The following LAMA4 variants were observed in gnomAD, a reference collection of about 807,000 sequenced individuals.
The protein encoded by LAMA4 is laminin subunit alpha-4.
In LAMA4, 127 loss-of-function variants were observed where a neutral mutation model predicts 207.1. That is an observed-to-expected ratio of 0.61 (90% CI 0.53 to 0.71). The LOEUF (loss-of-function observed/expected upper bound fraction) is 0.71. LAMA4 is among the 30% of genes least tolerant of loss of function. LAMA4 has a pLI of 0.00. For missense variants in LAMA4, 2,093 were observed against 2,246.5 expected (o/e 0.93, Z 1.38); for synonymous variants, 761 against 816.0 (o/e 0.93, Z 1.15).
At chr6:112,206,781 C>T (rs1784081524) in intron 4 of LAMA4, among the ~76,000 whole-genome samples, 1 of 152,122 alleles carries the variant, frequency 6.6e-6, no homozygotes, top group Non-Finnish European at 1.5e-5. Context: ...CTTTATTGAC[C>T]TCATGATGCA....
At chr6:112,190,947 C>CCTTTCTTT (rs199702092) in intron 6 of LAMA4, among the ~76,000 whole-genome samples, 659 of 40,376 alleles carry the variant, frequency 0.016, 31 homozygotes, top group Middle Eastern at 0.028. Context: ...TTCTTTCTTT[C>CCTTTCTTT]CTTTCTTTCT....
intron 5 of LAMA4, among the ~76,000 whole-genome samples, chr6:112,193,530 G>T (rs1554349689): frequency 6.6e-6 from 1 of 152,044 alleles, no homozygotes; most frequent in Non-Finnish European, 1.5e-5. Flanking sequence ...TCAACATTTT[G>T]TGTATGTTCC....
chr6:112,137,952 C>T (rs1424100151), intron 24 of LAMA4, among the ~76,000 whole-genome samples: 1 of 152,020 alleles, frequency 6.6e-6, no homozygotes, highest in Non-Finnish European at 1.5e-5. Context: ...GAGAAAGTAA[C>T]TTTTTCTCCT....
Position 112,216,485 on chromosome 6 carries a change from C to T in LAMA4, c.196-16G>A. 3 of 1,537,020 alleles carry T rather than the reference C, an allele frequency of 2.0e-6. No individual in the cohort carries two copies. The highest frequency in any genetic ancestry group is 2.7e-6 in the Non-Finnish European group (3 of 1,109,696). ...CATTGCATTTCTGCAACAGACACAC[C>T]AAACCATTTTGATTATTGAAAAGAT... On this transcript the variant is annotated splice_polypyrimidine_tract_variant and intron_variant, in intron 2 of 38. Transcript: ENST00000230538.
At chr6:112,216,336 G>T in intron 3 of LAMA4, 32 bp downstream of exon 3, 1 of 1,346,808 alleles carries the variant, frequency 7.4e-7, no homozygotes, top group South Asian at 1.2e-5. Context: ...GCCCAGTGAA[G>T]TACGTGAAGT....
chr6:112,132,753 C>T lies in LAMA4; in HGVS notation c.3834G>A (p.Gly1278=), dbSNP rs141988342. Residue 1278 remains glycine (G), a splice_region_variant and synonymous_variant, in exon 28 of 39, where the codon GGG becomes GGA. Coordinates refer to ENST00000230538, the MANE Select transcript of LAMA4 (RefSeq NM_001105206.3). ...PNGLLFYYAS[G]SDVFSISLDN... The stretch of plus-strand genomic sequence containing the variant: ...TCCTCAGAGAAAAACAAACACTTAC[C>T]CCTGAAGCATAATAGAATAGTAACC... 2.6e-4 allele frequency: 427 copies of T among 1,612,322 alleles called. 1 individual carries two copies. Among genetic ancestry groups the T allele is most frequent in the Non-Finnish European group, 3.5e-4 (418 of 1,178,998 alleles).
chr6:112,109,397 T>C lies in LAMA4; in HGVS notation c.*40A>G. The C allele has an allele frequency of 1.2e-6, 2 of 1,611,950 alleles. No individual in the cohort carries two copies. The highest frequency in any genetic ancestry group is 1.1e-5 in the South Asian group (1 of 90,878). On this transcript the variant is annotated 3_prime_UTR_variant, in exon 39 of 39. Transcript: ENST00000230538. The stretch of plus-strand genomic sequence containing the variant: ...GCTGGCTTTGTGTTTCTTTCAGTGC[T>C]CTAAAGAACTTTGTATTTGGGCAGC...
Position 112,254,391 on chromosome 6 carries a change from C to G in LAMA4, c.-142+68G>C, listed in dbSNP as rs946730959. The G allele has an allele frequency of 1.7e-5, 10 of 575,652 alleles. No homozygotes were observed. In the African/African-American group the frequency reaches 1.9e-4, roughly 11 times the overall value. 35.7% of individuals were successfully genotyped at this position (575,652 alleles called of 1,614,324 possible). ...TCCCCCTCTCTCTCCCTCTCCCTCTCCCTCTTTCACTTTTTCTCCTTCCCG... is the reference window on the plus strand; with the variant it reads ...TCCCCCTCTCTCTCCCTCTCCCTCTGCCTCTTTCACTTTTTCTCCTTCCCG... On this transcript the variant is annotated intron_variant, in intron 1 of 38. Transcript: ENST00000230538.
At chr6:112,229,307 T>G (rs1554363751) in intron 2 of LAMA4, among the ~76,000 whole-genome samples, 1 of 152,156 alleles carries the variant, frequency 6.6e-6, no homozygotes, top group Non-Finnish European at 1.5e-5. Flanking sequence ...CCCATCTCCC[T>G]TGCTTTCCTC....
intron 12 of LAMA4, among the ~76,000 whole-genome samples, chr6:112,168,165 T>A (rs1350479184): frequency 7.0e-6 from 1 of 142,628 alleles, no homozygotes; most frequent in East Asian, 2.1e-4. Flanking sequence ...GCCACTGCAC[T>A]CCAGCCTGGG....
intron 16 of LAMA4, among the ~76,000 whole-genome samples, chr6:112,152,055 A>C (rs1780434255): frequency 6.6e-6 from 1 of 152,120 alleles, no homozygotes; most frequent in Admixed American, 6.5e-5. Flanking sequence ...ATTTGCTAAT[A>C]TATTGATTAG....
At chr6:112,180,210 G>A (rs975347844) in intron 9 of LAMA4, among the ~76,000 whole-genome samples, 9 of 152,052 alleles carry the variant, frequency 5.9e-5, no homozygotes, top group Admixed American at 4.6e-4. Context: ...TTTTTGATAT[G>A]GAAACTTCAG....
intron 2 of LAMA4, among the ~76,000 whole-genome samples, chr6:112,224,782 C>A (rs1554361829): frequency 6.8e-6 from 1 of 146,620 alleles, no homozygotes; most frequent in African/African-American, 2.5e-5. Flanking sequence ...CGCCATTGCA[C>A]TCCAGCCTGG....
chr6:112,214,012 G>A (rs781930494), intron 3 of LAMA4: 1 of 763,368 alleles, frequency 1.3e-6, no homozygotes, highest in Non-Finnish European at 2.4e-6. Context: ...GGCTCCCTGA[G>A]AGCTGAGAAT....
intron 3 of LAMA4, chr6:112,214,164 A>C: frequency 2.0e-6 from 1 of 499,826 alleles, no homozygotes; most frequent in Non-Finnish European, 3.6e-6. Context: ...GTGAAATAAA[A>C]AATTCTTTTT....
chr6:112,175,240 G>A (rs1196079349), intron 11 of LAMA4, 73 bp downstream of exon 11: 1 of 1,444,726 alleles, frequency 6.9e-7, no homozygotes, highest in Admixed American at 1.7e-5. Flanking sequence ...GTTGCCCTAG[G>A]TTTAATGTCT....
intron 2 of LAMA4, among the ~76,000 whole-genome samples, chr6:112,251,935 T>C (rs997649856): frequency 3.9e-5 from 6 of 152,234 alleles, no homozygotes; most frequent in Non-Finnish European, 5.9e-5. Flanking sequence ...ACGTGACATT[T>C]TTTTTCCAGC....
At position 112,172,706 on chromosome 6, in the gene LAMA4, A is replaced by T. The variant is rs1419996220; in HGVS notation, c.1456T>A (p.Ser486Thr). 6.8e-6 allele frequency: 11 copies of T among 1,613,822 alleles called. No individual in the cohort carries two copies. The highest frequency in any genetic ancestry group is 9.3e-6 in the Non-Finnish European group (11 of 1,179,970). ...EQLDDYNAKL[S>T]DLQEALDQAL... ...TGGTCAAGTGCTTCCTGGAGATCTG[A>T]CAACTTAGCATTGTAGTCATCCAGC... The change falls in exon 12 of 39, where the codon TCA (serine) becomes ACA (threonine). Residue 486 changes from serine to threonine, a missense_variant. Physicochemically the swap from Ser to Thr is moderately conservative, Grantham distance 58. Coordinates refer to ENST00000230538, the MANE Select transcript of LAMA4 (RefSeq NM_001105206.3).
chr6:112,254,097 G>T lies in LAMA4; in HGVS notation c.54C>A (p.Ser18Arg), dbSNP rs1380165832. ...RSVLPLWLLWSAACSRAASGD... is the reference protein window; with the variant it reads ...RSVLPLWLLWRAACSRAASGD... Reference sequence around the variant, plus strand: ...CGGACGCGGCGCGGGAGCAGGCAGCGCTCCAGAGGAGCCACAGAGGCAGAA... The same window carrying T: ...CGGACGCGGCGCGGGAGCAGGCAGCTCTCCAGAGGAGCCACAGAGGCAGAA... Residue 18 changes from serine (S) to arginine (R), a missense_variant, in exon 2 of 39, where the codon AGC becomes AGA. Physicochemically the swap from Ser to Arg is moderately radical, Grantham distance 110. Transcript: ENST00000230538. 2.5e-6 allele frequency: 4 copies of T among 1,612,580 alleles called. No homozygotes were observed. In the South Asian group the frequency reaches 3.3e-5, roughly 13 times the overall value.
Sources: allele counts gnomAD v4.1 joint callset (sites outside exome capture counted in the v4.1 genomes callset), GRCh38; gene constraint gnomAD v4.1.1; transcripts MANE v1.5; gene names NCBI Gene and HGNC (gene_info 2026-07-23, HGNC 2026-07-21).